ATP6V0E2: variants seen among roughly 807,000 people sequenced by gnomAD.
ATP6V0E2 encodes the protein V-type proton ATPase subunit e 2.
Under a neutral mutation model 11.5 loss-of-function variants are expected in ATP6V0E2, and 4 were observed. The observed-to-expected ratio is 0.35, with a 90% CI of 0.17 to 0.80. The LOEUF (loss-of-function observed/expected upper bound fraction) is 0.80. ATP6V0E2 is among the 30% of genes least tolerant of loss of function. The pLI is 0.53. For missense variants in ATP6V0E2, 93 were observed against 113.5 expected (o/e 0.82, Z 0.82); for synonymous variants, 52 against 51.0 (o/e 1.02, Z -0.09).
rs867629936 is a variant in ATP6V0E2 at position 149,878,742 on chromosome 7, A to G, written c.217A>G (p.Ile73Val). The change falls in exon 3 of 4, where the codon ATC becomes GTC. Residue 73 changes from isoleucine (I) to valine (V), a missense_variant. Physicochemically the swap from Ile to Val is conservative, Grantham distance 29 (BLOSUM62 3). Coordinates refer to ENST00000425642, the MANE Select transcript of ATP6V0E2 (RefSeq NM_145230.4). ...LFGPQLKNET[I>V]WYVRFLWE ...CGGGCCCCAGCTGAAGAATGAGACC[A>G]TCTGGTACGTGCGCTTCCTGTGGGA... The G allele has an allele frequency of 1.2e-6, 2 of 1,613,132 alleles. No individual in the cohort carries two copies. Among genetic ancestry groups the G allele is most frequent in the African/African-American group, 2.7e-5 (2 of 74,928 alleles).
chr7:149,879,306 G>T, intron 3 of ATP6V0E2, 29 bp from the exon 4 acceptor site: 2 of 1,487,138 alleles, frequency 1.3e-6, no homozygotes, highest in East Asian at 5.0e-5. Flanking sequence ...CTGCAAGGCC[G>T]GGACCCTTCC....
chr7:149,874,031 G>A lies in ATP6V0E2; in HGVS notation c.-35G>A. Reference sequence around the variant, plus strand: ...GCGCACCTGCAGCGCCCGCTGCTCGGCCCTGCATCCTGCCTGGGCATCCTG... The same window carrying A: ...GCGCACCTGCAGCGCCCGCTGCTCGACCCTGCATCCTGCCTGGGCATCCTG... On this transcript the variant is annotated 5_prime_UTR_variant, in exon 1 of 4. Transcript: ENST00000425642. The A allele has an allele frequency of 6.5e-7, 1 of 1,549,210 alleles. No homozygotes were observed. The highest frequency in any genetic ancestry group is 8.7e-7 in the Non-Finnish European group (1 of 1,146,576).
At chr7:149,878,199 C>G (rs886373111) in intron 2 of ATP6V0E2, among the ~76,000 whole-genome samples, 13 of 152,232 alleles carry the variant, frequency 8.5e-5, no homozygotes, top group Non-Finnish European at 1.6e-4. Context: ...CAGAGGTGGC[C>G]TGGCAGCAGC....
intron 1 of ATP6V0E2, among the ~76,000 whole-genome samples, 176 bp downstream of exon 1, chr7:149,874,345 A>G (rs1803012521): frequency 6.6e-6 from 1 of 152,132 alleles, no homozygotes; most frequent in African/African-American, 2.4e-5. Context: ...ACAGCCGGGA[A>G]CAGGCAGGAG....
chr7:149,879,285 T>C (rs1041366540), intron 3 of ATP6V0E2, 50 bp from the exon 4 acceptor site: 2 of 1,440,024 alleles, frequency 1.4e-6, no homozygotes, highest in Non-Finnish European at 1.8e-6. Context: ...TTGGGGGCAG[T>C]GGAGTCTCCA....
chr7:149,874,207 C>T, intron 1 of ATP6V0E2, 38 bp downstream of exon 1: 1 of 1,522,594 alleles, frequency 6.6e-7, no homozygotes, highest in Non-Finnish European at 8.8e-7. Context: ...CCTCTCCACC[C>T]CGGCCCCCTG....
rs1234448160 is a variant in ATP6V0E2, at chr7:149,878,762, G to A, written c.237G>A (p.Leu79=). Residue 79 remains leucine, a synonymous_variant, in exon 3 of 4, where the codon CTG becomes CTA. Transcript: ENST00000425642. ...KNETIWYVRF[L]WE ...AGACCATCTGGTACGTGCGCTTCCT[G>A]TGGGAGTGACCCGCCGCCCCCGACC... is the stretch of plus-strand genomic sequence containing the variant. The A allele has an allele frequency of 4.3e-6, 7 of 1,613,118 alleles. No homozygotes were observed. The East Asian group carries it at 1.6e-4, about 36-fold the overall frequency.
chr7:149,875,472 T>G, intron 1 of ATP6V0E2, 126 bp from the exon 2 acceptor site: 1 of 886,584 alleles, frequency 1.1e-6, no homozygotes, highest in African/African-American at 1.6e-5. Context: ...GCCTCCTGTG[T>G]CCAGGAGGCA....
upstream of ATP6V0E2, chr7:149,873,639 C>T: frequency 3.0e-6 from 1 of 338,388 alleles, no homozygotes; most frequent in Non-Finnish European, 5.3e-6. Flanking sequence ...GTCCGCAGGG[C>T]GCTTCGGGCC....
chr7:149,873,485 C>T (rs890332394), upstream of ATP6V0E2: 2 of 157,762 alleles, frequency 1.3e-5, no homozygotes, highest in African/African-American at 4.8e-5. Context: ...GCTCGCTAGT[C>T]CTGGGAGTGA....
At chr7:149,874,475 C>T (rs1803021230) in intron 1 of ATP6V0E2, 2 of 357,490 alleles carry the variant, frequency 5.6e-6, no homozygotes, top group Non-Finnish European at 1.0e-5. Context: ...CCACTCCTTG[C>T]TAGCTGTGTG....
Position 149,879,440 on chromosome 7 carries a change from A to C in ATP6V0E2, c.*125A>C, listed in dbSNP as rs2128949892. ...TGGTCACCAGCTCCCTCCTGCTGGC[A>C]CCCAGAGACCCGGACCCGCAGGGCC... On this transcript the variant is annotated 3_prime_UTR_variant, in exon 4 of 4. Coordinates refer to ENST00000425642, the MANE Select transcript of ATP6V0E2 (RefSeq NM_145230.4). 1 of 1,601,700 alleles carries C rather than the reference A, an allele frequency of 6.2e-7. No individual in the cohort carries two copies. Among genetic ancestry groups the C allele is most frequent in the East Asian group, 2.3e-5 (1 of 43,864 alleles).
chr7:149,878,815 G>A (rs762984156), intron 3 of ATP6V0E2, 25 bp downstream of exon 3: 34 of 1,604,392 alleles, frequency 2.1e-5, no homozygotes, highest in Non-Finnish European at 2.6e-5. Context: ...AGGGGTGTGG[G>A]TGGGGAAGAG....
At chr7:149,878,336 G>A (rs6946784) in intron 2 of ATP6V0E2, among the ~76,000 whole-genome samples, 3 of 151,924 alleles carry the variant, frequency 2.0e-5, no homozygotes, top group African/African-American at 7.3e-5. Context: ...GCATGGAGCC[G>A]GGGGAGCCTG....
upstream of ATP6V0E2, chr7:149,873,458 C>G (rs974495826): frequency 1.5e-4 from 23 of 154,732 alleles, no homozygotes; most frequent in Admixed American, 2.6e-4. Flanking sequence ...GACCCCAGGC[C>G]CCGGTCCGCG....
At chr7:149,873,681 G>A, upstream of ATP6V0E2, 1 of 463,164 alleles carries the variant, frequency 2.2e-6, no homozygotes, top group Non-Finnish European at 3.6e-6. Flanking sequence ...GGCAGGGGAC[G>A]CCCCGAAAGA....
chr7:149,876,567 A>C (rs936925855), intron 2 of ATP6V0E2, among the ~76,000 whole-genome samples: 3 of 152,228 alleles, frequency 2.0e-5, no homozygotes, highest in African/African-American at 7.2e-5. Context: ...TTATTAAAAA[A>C]ATTTTTTAAA....
chr7:149,874,545 C>T (rs1023666846), intron 1 of ATP6V0E2: 1 of 209,802 alleles, frequency 4.8e-6, no homozygotes. Flanking sequence ...AATGTCGACT[C>T]CTGCCTTAAA....
chr7:149,874,296 G>C, intron 1 of ATP6V0E2, 127 bp downstream of exon 1: 14 of 1,260,160 alleles, frequency 1.1e-5, no homozygotes, highest in African/African-American at 1.5e-5. Context: ...CCAGGACCCC[G>C]GACGCCACCT....
Sources: gnomAD v4.1 joint callset for allele counts (sites outside exome capture counted in the v4.1 genomes callset) on GRCh38, gnomAD v4.1.1 for gene constraint, MANE v1.5 for transcripts, NCBI Gene and HGNC (gene_info 2026-07-23, HGNC 2026-07-21) for gene names.